The following FAT3 variants were observed in gnomAD, a reference collection of about 807,000 sequenced individuals.
FAT3 encodes the protein protocadherin Fat 3.
In FAT3, 95 loss-of-function variants were observed where a neutral mutation model predicts 310.2. The observed-to-expected ratio is 0.31, with a 90% CI of 0.26 to 0.36. FAT3 has a LOEUF of 0.36. Ranked by LOEUF, FAT3 falls within the 10% of genes least tolerant of loss-of-function variation. The pLI is 1.00. For synonymous variants in FAT3, 2,314 were observed against 2,192.9 expected, an observed-to-expected ratio of 1.06 and a Z score of -1.54; for missense variants, 5,408 against 5,715.6, an observed-to-expected ratio of 0.95 and a Z score of 1.74.
chr11:92,255,806 T>G (rs1865294754), intron 1 of FAT3, among the ~76,000 whole-genome samples: 1 of 152,156 alleles, frequency 6.6e-6, no homozygotes, highest in Non-Finnish European at 1.5e-5. Flanking sequence ...ATGAACCTGC[T>G]CTAAAACTAA....
At chr11:92,625,030 A>T (rs1941261638) in intron 3 of FAT3, among the ~76,000 whole-genome samples, 1 of 152,164 alleles carries the variant, frequency 6.6e-6, no homozygotes, top group Non-Finnish European at 1.5e-5. Flanking sequence ...CCTCATTTTA[A>T]TTTGATAACC....
chr11:92,741,012 C>T (rs546763066), intron 4 of FAT3, among the ~76,000 whole-genome samples: 2 of 152,262 alleles, frequency 1.3e-5, no homozygotes, highest in South Asian at 2.1e-4. Context: ...ATGAAAGACA[C>T]AACGTCTGCC....
intron 2 of FAT3, among the ~76,000 whole-genome samples, chr11:92,517,772 A>G (rs1953537265): frequency 6.6e-6 from 1 of 152,042 alleles, no homozygotes; most frequent in African/African-American, 2.4e-5. Context: ...TAAATTTACA[A>G]GGAAAAAAAC....
intron 3 of FAT3, among the ~76,000 whole-genome samples, chr11:92,586,979 A>G (rs1346052371): frequency 6.6e-6 from 1 of 152,050 alleles, no homozygotes; most frequent in African/African-American, 2.4e-5. Flanking sequence ...GAAGCATGGC[A>G]GAAATAAGAT....
At chr11:92,523,978 G>A (rs1953769816) in intron 2 of FAT3, among the ~76,000 whole-genome samples, 1 of 152,060 alleles carries the variant, frequency 6.6e-6, no homozygotes, top group Admixed American at 6.6e-5. Flanking sequence ...AGGGCCCTCT[G>A]TAGAGTTCTT....
At chr11:92,703,077 T>A (rs1944150942) in intron 4 of FAT3, among the ~76,000 whole-genome samples, 1 of 152,210 alleles carries the variant, frequency 6.6e-6, no homozygotes, top group African/African-American at 2.4e-5. Flanking sequence ...AACAAACTCA[T>A]CCATTGTCCT....
At position 92,426,038 on chromosome 11, in the gene FAT3, A is replaced by G. The variant is rs1950624902; in HGVS notation, c.3292+70634A>G. On this transcript the variant is annotated intron_variant, in intron 2 of 27. Coordinates refer to ENST00000525166, the MANE Select transcript of FAT3 (RefSeq NM_001367949.2). ...ATTCCTGTTTCTCCACATCCTCTCC[A>G]GCATCTGTTGTTTCCTAACTTTTTA... is the stretch of plus-strand genomic sequence containing the variant. 2.0e-5 allele frequency among the ~76,000 whole-genome samples: 3 copies of G among 152,288 alleles called. No homozygotes were observed. In the South Asian group the frequency reaches 6.2e-4, roughly 32 times the overall value.
At chr11:92,687,290 G>T (rs967901702) in intron 3 of FAT3, among the ~76,000 whole-genome samples, 1 of 152,158 alleles carries the variant, frequency 6.6e-6, no homozygotes, top group Non-Finnish European at 1.5e-5. Flanking sequence ...TGCGATCAGA[G>T]AAGTTATGTA....
At chr11:92,339,439 C>T (rs1210670973) in intron 1 of FAT3, among the ~76,000 whole-genome samples, 3 of 152,148 alleles carry the variant, frequency 2.0e-5, no homozygotes, top group Non-Finnish European at 2.9e-5. Flanking sequence ...GTAGTATGTA[C>T]GTTTTGTGTG....
At chr11:92,231,118 A>G (rs768502583) in intron 1 of FAT3, among the ~76,000 whole-genome samples, 6 of 152,092 alleles carry the variant, frequency 3.9e-5, no homozygotes, top group Non-Finnish European at 7.4e-5. Context: ...CCACCCCCCA[A>G]TTTCAAAGGT....
At chr11:92,585,039 A>G (rs553343803) in intron 3 of FAT3, among the ~76,000 whole-genome samples, 2 of 152,164 alleles carry the variant, frequency 1.3e-5, no homozygotes, top group East Asian at 1.9e-4. Context: ...AAAAAAATGT[A>G]ACATCCTGTG....
intron 1 of FAT3, among the ~76,000 whole-genome samples, chr11:92,244,796 A>G (rs1488031379): frequency 6.6e-6 from 1 of 152,120 alleles, no homozygotes; most frequent in Non-Finnish European, 1.5e-5. Flanking sequence ...GATGAGCATC[A>G]TCTCACACCA....
chr11:92,541,041 G>T (rs1325413512), intron 3 of FAT3, among the ~76,000 whole-genome samples: 1 of 152,090 alleles, frequency 6.6e-6, no homozygotes, highest in Non-Finnish European at 1.5e-5. Flanking sequence ...TATGTTACAA[G>T]AAAATAAGAT....
chr11:92,890,632 G>T lies in FAT3; in HGVS notation c.13289G>T (p.Gly4430Val), dbSNP rs142403035. ...RELESDYYLGGYDIDSEYPPP... is the reference protein window; with the variant it reads ...RELESDYYLGVYDIDSEYPPP... The stretch of plus-strand genomic sequence containing the variant: ...CTGGAGAGCGATTACTACCTGGGTG[G>T]TTATGACATTGACAGTGAATACCCA... The change falls in exon 28 of 28, where the codon GGT becomes GTT. Residue 4430 changes from glycine (G) to valine (V), a missense_variant. By Grantham distance (109) the Gly-to-Val change is moderately radical (BLOSUM62 -3). Transcript: ENST00000525166. 1.2e-6 allele frequency: 2 copies of T among 1,613,816 alleles called. No individual in the cohort carries two copies. Among genetic ancestry groups the T allele is most frequent in the East Asian group, 2.2e-5 (1 of 44,850 alleles).
chr11:92,526,961 C>A (rs1340011930), intron 3 of FAT3, among the ~76,000 whole-genome samples: 1 of 152,102 alleles, frequency 6.6e-6, no homozygotes, highest in Non-Finnish European at 1.5e-5. Flanking sequence ...CAAGTAAGAT[C>A]TAATAAAGAG....
intron 4 of FAT3, among the ~76,000 whole-genome samples, chr11:92,702,042 A>G (rs1468278899): frequency 6.6e-6 from 1 of 152,190 alleles, no homozygotes; most frequent in East Asian, 1.9e-4. Context: ...GGTACTGTTC[A>G]CAGAGCTTAG....
intron 3 of FAT3, among the ~76,000 whole-genome samples, chr11:92,634,980 T>G (rs1256170271): frequency 6.6e-6 from 1 of 152,194 alleles, no homozygotes; most frequent in Non-Finnish European, 1.5e-5. Context: ...AAAGGCCTTG[T>G]GAAGACATAC....
chr11:92,386,372 A>G (rs1003250651), intron 2 of FAT3, among the ~76,000 whole-genome samples: 1 of 152,210 alleles, frequency 6.6e-6, no homozygotes, highest in Non-Finnish European at 1.5e-5. Flanking sequence ...GAACATATAC[A>G]AGACTTCAAA....
intron 2 of FAT3, among the ~76,000 whole-genome samples, chr11:92,439,862 G>C (rs1279770550): frequency 6.6e-6 from 1 of 151,974 alleles, no homozygotes; most frequent in Non-Finnish European, 1.5e-5. Flanking sequence ...GCTGCTGTGA[G>C]CGTTGATCGC....
Sources: allele counts gnomAD v4.1 joint callset (sites outside exome capture counted in the v4.1 genomes callset), GRCh38; gene constraint gnomAD v4.1.1; transcripts MANE v1.5; gene names NCBI Gene and HGNC (gene_info 2026-07-23, HGNC 2026-07-21).